Variants in PARP12 observed in about 807,000 individuals in gnomAD.
PARP12 encodes poly(ADP-ribose) polymerase family member 12, also known as protein mono-ADP-ribosyltransferase PARP12.
In PARP12, 59 loss-of-function variants were observed where a neutral mutation model predicts 72.4. That is an observed-to-expected ratio of 0.81 (90% CI 0.66 to 1.01). The LOEUF (loss-of-function observed/expected upper bound fraction) is 1.01. Among genes scored for constraint, PARP12 ranks in the 50% least tolerant of loss-of-function variants. The pLI, the probability that PARP12 is intolerant of heterozygous loss-of-function variation, is 0.00. For missense variants in PARP12, 851 were observed against 914.0 expected (o/e 0.93, Z 0.89); for synonymous variants, 403 against 371.4 (o/e 1.09, Z -0.98).
chr7:140,035,837 AAGG>A (rs1393911046), intron 7 of PARP12, among the ~76,000 whole-genome samples: 1 of 69,366 alleles, frequency 1.4e-5, no homozygotes. Flanking sequence ...CTACCAAAAG[AAGG>A]AGGAGGAAGA....
At chr7:140,062,317 C>T (rs1352072492) in intron 1 of PARP12, among the ~76,000 whole-genome samples, 1 of 152,048 alleles carries the variant, frequency 6.6e-6, no homozygotes, top group Non-Finnish European at 1.5e-5. Flanking sequence ...GTCTAGAGGA[C>T]CCCACTCGAC....
At chr7:140,026,460 A>G in intron 10 of PARP12, 112 bp from the exon 11 acceptor site, 1 of 1,431,190 alleles carries the variant, frequency 7.0e-7, no homozygotes, top group Non-Finnish European at 9.4e-7. Context: ...TCCTGGGACC[A>G]AGAGACGCAG....
At chr7:140,047,815 C>A (rs1816795421) in intron 4 of PARP12, among the ~76,000 whole-genome samples, 1 of 152,122 alleles carries the variant, frequency 6.6e-6, no homozygotes, top group Non-Finnish European at 1.5e-5. Flanking sequence ...AAGGTTTCAC[C>A]ATGTTGGCCA....
At chr7:140,042,950 CT>C (rs1816551415) in intron 5 of PARP12, among the ~76,000 whole-genome samples, 1 of 152,210 alleles carries the variant, frequency 6.6e-6, no homozygotes, top group African/African-American at 2.4e-5. Context: ...AATCCCAGCA[CT>C]TTGGGAGGCC....
chr7:140,025,123 T>C, intron 11 of PARP12: 1 of 536,674 alleles, frequency 1.9e-6, no homozygotes, highest in Non-Finnish European at 3.4e-6. Flanking sequence ...GATAGCAAAT[T>C]CCTTTCAAGT....
Position 140,057,401 on chromosome 7 carries a change from A to C in PARP12, c.463-248T>G, listed in dbSNP as rs1817230983. On this transcript the variant is annotated intron_variant, in intron 2 of 11. Coordinates refer to ENST00000263549, the MANE Select transcript of PARP12 (RefSeq NM_022750.4). ...TCCACTGGGAAAATCCAAGAACTTC[A>C]AAGTGACTAGAGCTGCTCCTTTCAC... The C allele has an allele frequency of 9.1e-6, 5 of 552,340 alleles. No individual in the cohort carries two copies. The South Asian group carries it at 1.2e-4, about 13-fold the overall frequency. The allele number at this position is 552,340 out of a possible 1,614,324, so 34.2% of individuals were successfully genotyped here.
rs1554514730 is a variant in PARP12, at chr7:140,046,833, T to TGTGTGTGTGTGTGTGTGTGTGTCA, written c.986+50_986+51insTGACACACACACACACACACACAC. Reference sequence around the variant, plus strand: ...GTGTGTGTGTGTGTGTGTGTGTGTGTCACACACAGAAGCCCAGGCACAAAG... The same window carrying TGTGTGTGTGTGTGTGTGTGTGTCA: ...GTGTGTGTGTGTGTGTGTGTGTGTGTGTGTGTGTGTGTGTGTGTGTGTCACACACACAGAAGCCCAGGCACAAAG... On this transcript the variant is annotated intron_variant, in intron 5 of 11. Transcript: ENST00000263549. 1.2e-4 allele frequency: 145 copies of TGTGTGTGTGTGTGTGTGTGTGTCA among 1,188,266 alleles called. 4 individuals carry two copies. Among genetic ancestry groups the TGTGTGTGTGTGTGTGTGTGTGTCA allele is most frequent in the East Asian group, 3.4e-4 (11 of 32,396 alleles). 73.6% of individuals were successfully genotyped at this position (1,188,266 alleles called of 1,614,324 possible). A position where few individuals can be genotyped will look rare whatever the true frequency, so the allele number is the denominator to read the frequency against.
At chr7:140,047,992 C>T (rs1265959264) in intron 4 of PARP12, among the ~76,000 whole-genome samples, 4 of 152,076 alleles carry the variant, frequency 2.6e-5, no homozygotes, top group Non-Finnish European at 4.4e-5. Context: ...GCTGATTATG[C>T]GAAGGTCAAA....
At chr7:140,046,260 A>G (rs1816719116) in intron 5 of PARP12, among the ~76,000 whole-genome samples, 1 of 152,258 alleles carries the variant, frequency 6.6e-6, no homozygotes, top group Admixed American at 6.5e-5. Context: ...AATTTATTTT[A>G]CACACTCAAA....
chr7:140,031,554 T>C (rs1815938415), intron 8 of PARP12, among the ~76,000 whole-genome samples: 1 of 152,186 alleles, frequency 6.6e-6, no homozygotes, highest in African/African-American at 2.4e-5. Context: ...ACTTGCTTAC[T>C]GGAGTTAATG....
chr7:140,031,898 AAAT>A (rs1397705379), intron 8 of PARP12, among the ~76,000 whole-genome samples: 1 of 152,192 alleles, frequency 6.6e-6, no homozygotes, highest in Non-Finnish European at 1.5e-5. Flanking sequence ...CATTTAACTA[AAAT>A]AATAAGAGAT....
rs199610579 is a variant in PARP12, at chr7:140,062,471, T to TGG, written c.326+50_326+51insCC. 8 of 1,489,380 alleles carry TGG rather than the reference T, an allele frequency of 5.4e-6. No homozygotes were observed. The African/African-American group carries it at 1.1e-4, about 21-fold the overall frequency. The allele number at this position is 1,489,380 out of a possible 1,614,324, so 92.3% of individuals were successfully genotyped here. A position where few individuals can be genotyped will look rare whatever the true frequency, so the allele number is the denominator to read the frequency against. ...GACCCCCAAGCGGGCTGGAAGTGCGTGAGGGCGCGCAGGACCTCCGCCCGC... is the reference window on the plus strand; with the variant it reads ...GACCCCCAAGCGGGCTGGAAGTGCGTGGGAGGGCGCGCAGGACCTCCGCCCGC... On this transcript the variant is annotated intron_variant, in intron 1 of 11. Coordinates refer to ENST00000263549, the MANE Select transcript of PARP12 (RefSeq NM_022750.4).
chr7:140,056,888 A>T lies in PARP12; in HGVS notation c.728T>A (p.Val243Glu). Residue 243 changes from valine to glutamate, a missense_variant, in exon 3 of 12, where the codon GTG (valine) becomes GAG (glutamate). Around this residue, in one of 3 missense-constraint regions of PARP12, gnomAD observed 492 missense variants for 489.3 expected, o/e 1.01. Transcript: ENST00000263549. ...CCCCTGTGGGACAAAAAGAGGAGGCACTCTGCTGGGGGCAGAGCTCTTATT... is the reference window on the plus strand; with the variant it reads ...CCCCTGTGGGACAAAAAGAGGAGGCTCTCTGCTGGGGGCAGAGCTCTTATT... ...IKNKSSAPSR[V>E]PPLFVPQGTS... is the part of the protein sequence containing the mutation. 6.2e-7 allele frequency: 1 copy of T among 1,611,074 alleles called. No homozygotes were observed. The highest frequency in any genetic ancestry group is 8.5e-7 in the Non-Finnish European group (1 of 1,179,150).
At chr7:140,046,348 G>A (rs181723899) in intron 5 of PARP12, among the ~76,000 whole-genome samples, 25 of 152,232 alleles carry the variant, frequency 1.6e-4, no homozygotes, top group Admixed American at 1.6e-3. Flanking sequence ...TGAAAAGAAG[G>A]CTATCCGGGA....
Position 140,062,551 on chromosome 7 carries a change from G to A in PARP12, c.297C>T (p.Val99=), listed in dbSNP as rs764366736. Residue 99 remains valine (V), a synonymous_variant, in exon 1 of 12, where the codon GTC becomes GTT. Transcript: ENST00000263549. The part of the protein sequence containing the change: ...CAQLHLCRFM[V]YGACKFLRAG... ...CTCTCAGGAACTTGCAGGCGCCGTA[G>A]ACCATGAACCTGCAGAGGTGGAGCT... 6.4e-6 allele frequency: 10 copies of A among 1,556,400 alleles called. No homozygotes were observed. The highest frequency in any genetic ancestry group is 6.9e-6 in the Non-Finnish European group (8 of 1,155,656).
rs1451509399 is a variant in PARP12, at chr7:140,026,182, C to T, written c.1780+15G>A. The T allele has an allele frequency of 3.1e-6, 5 of 1,614,152 alleles. No homozygotes were observed. In the East Asian group the frequency reaches 1.1e-4, roughly 36 times the overall value. Reference sequence around the variant, plus strand: ...GCAACATGGGTTTTGCTGGTGGAGGCCAGTCATGCCTTACCCTTGCCGTAG... The same window carrying T: ...GCAACATGGGTTTTGCTGGTGGAGGTCAGTCATGCCTTACCCTTGCCGTAG... On this transcript the variant is annotated intron_variant, in intron 11 of 11. Transcript: ENST00000263549.
In PARP12 at chr7:140,037,875, C is replaced by G. The variant is rs148416214; in HGVS notation, c.1183-19G>C. 6.3e-7 allele frequency: 1 copy of G among 1,599,152 alleles called. No individual in the cohort carries two copies. Among genetic ancestry groups the G allele is most frequent in the African/African-American group, 1.3e-5 (1 of 74,660 alleles). ...CCGTGCCCTGCGATGGAAAGCCAGA[C>G]ACTTTATGAAGGCAAGAAACTGCGT... On this transcript the variant is annotated intron_variant, in intron 6 of 11. Coordinates refer to ENST00000263549, the MANE Select transcript of PARP12 (RefSeq NM_022750.4).
chr7:140,044,025 A>C (rs1306030179), intron 5 of PARP12, among the ~76,000 whole-genome samples: 1 of 152,234 alleles, frequency 6.6e-6, no homozygotes, highest in Non-Finnish European at 1.5e-5. Context: ...CCATATATCT[A>C]ATGAGAATTC....
At chr7:140,027,656 G>A (rs934892894) in intron 9 of PARP12, 71 of 332,006 alleles carry the variant, frequency 2.1e-4, no homozygotes, top group African/African-American at 1.2e-3. Context: ...TAGCATATGG[G>A]AAATTGGTTT....
Sources: gnomAD v4.1 joint callset for allele counts (sites outside exome capture counted in the v4.1 genomes callset) on GRCh38, gnomAD v4.1.1 for gene constraint, gnomAD v4.1.1 regional missense constraint, MANE v1.5 for transcripts, NCBI Gene and HGNC (gene_info 2026-07-23, HGNC 2026-07-21) for gene names.